Variants in GABRA2 observed in about 807,000 individuals in gnomAD.
GABRA2 encodes the protein gamma-aminobutyric acid type A receptor subunit alpha2, also known as gamma-aminobutyric acid receptor subunit alpha-2.
GABRA2 carries 16 observed loss-of-function variants against 48.7 expected under a neutral mutation model. The ratio of observed to expected loss-of-function variants is 0.33; its 90% confidence interval spans 0.22 to 0.50. The LOEUF (loss-of-function observed/expected upper bound fraction) is 0.50, where lower values mean the gene tolerates loss of function less well. Ranked by LOEUF, GABRA2 falls within the 20% of genes least tolerant of loss-of-function variation. The probability of loss-of-function intolerance (pLI) is 0.98; values close to 1 mark genes in which losing one functional copy is unlikely to be tolerated. For missense variants in GABRA2, 275 were observed against 535.6 expected, an observed-to-expected ratio of 0.51 and a Z score of 4.80; for synonymous variants, 185 against 184.5, an observed-to-expected ratio of 1.00 and a Z score of -0.02.
chr4:46,336,656 A>G (rs766092836), intron 3 of GABRA2, among the ~76,000 whole-genome samples: 2 of 152,234 alleles, frequency 1.3e-5, no homozygotes, highest in Non-Finnish European at 2.9e-5. Context: ...TGGCATACAT[A>G]GAAGAATGTA....
intron 3 of GABRA2, among the ~76,000 whole-genome samples, chr4:46,351,678 C>T (rs1026258154): frequency 2.0e-5 from 3 of 151,918 alleles, no homozygotes; most frequent in African/African-American, 7.2e-5. Context: ...AAAATGATTA[C>T]AGACCATGTC....
chr4:46,290,236 G>A lies in GABRA2; in HGVS notation c.856+13224C>T, dbSNP rs76562061. Among the ~76,000 whole-genome samples, 492 of 151,636 alleles carry A rather than the reference G, an allele frequency of 3.2e-3. 1 individual carries two copies. Among genetic ancestry groups the A allele is most frequent in the African/African-American group, 0.011 (444 of 41,372 alleles). ...ACCAGTTTTGTCTTAAATTTTCAAT[G>A]TTGTTTAGGTTTTTTCAGGCTTCTT... is the stretch of plus-strand genomic sequence containing the variant. On this transcript the variant is annotated intron_variant, in intron 8 of 9. Transcript: ENST00000381620.
At chr4:46,315,682 A>G (rs1360450675) in intron 4 of GABRA2, among the ~76,000 whole-genome samples, 1 of 152,022 alleles carries the variant, frequency 6.6e-6, no homozygotes, top group Non-Finnish European at 1.5e-5. Context: ...CAAATAGCTT[A>G]TAAATCTTCA....
At chr4:46,357,717 G>A (rs1219982772) in intron 3 of GABRA2, among the ~76,000 whole-genome samples, 3 of 144,994 alleles carry the variant, frequency 2.1e-5, no homozygotes. Flanking sequence ...CTGGAGTGCA[G>A]TGGTGCAATC....
rs560142153 is a variant in GABRA2 at position 46,291,776 on chromosome 4, C to CATATATATATATATATATATAT, written c.856+11683_856+11684insATATATATATATATATATATAT. On this transcript the variant is annotated intron_variant, in intron 8 of 9. Transcript: ENST00000381620. ...AGTTAATACTATTAATAAACACACA[C>CATATATATATATATATATATAT]ATATATATATATATACATATACATA... is the stretch of plus-strand genomic sequence containing the variant. 3.7e-4 allele frequency among the ~76,000 whole-genome samples: 54 copies of CATATATATATATATATATATAT among 144,744 alleles called. 1 individual carries two copies. The highest frequency in any genetic ancestry group is 6.6e-4 in the Non-Finnish European group (44 of 66,480). 95.0% of individuals were successfully genotyped at this position (144,744 alleles called of 152,430 possible).
intron 4 of GABRA2, among the ~76,000 whole-genome samples, chr4:46,331,762 C>G (rs1731399491): frequency 6.6e-6 from 1 of 152,116 alleles, no homozygotes; most frequent in African/African-American, 2.4e-5. Flanking sequence ...GAGACAGGGT[C>G]TCACTCTCAT....
chr4:46,304,181 A>G (rs1726230023), intron 7 of GABRA2, among the ~76,000 whole-genome samples: 1 of 152,204 alleles, frequency 6.6e-6, no homozygotes, highest in South Asian at 2.1e-4. Flanking sequence ...TAGGCCCTTC[A>G]TTCCCACTGG....
chr4:46,366,497 G>A (rs1714062685), intron 3 of GABRA2: 1 of 152,048 alleles, frequency 6.6e-6, no homozygotes, highest in Admixed American at 6.6e-5. Context: ...CCTGATTGAT[G>A]AGACTCTGGA....
At chr4:46,287,058 C>G (rs1261980477) in intron 8 of GABRA2, among the ~76,000 whole-genome samples, 1 of 151,514 alleles carries the variant, frequency 6.6e-6, no homozygotes, top group African/African-American at 2.4e-5. Flanking sequence ...TATTTTTTTC[C>G]TAATAGTTTT....
chr4:46,367,661 A>C (rs991285116), intron 3 of GABRA2: 3 of 152,264 alleles, frequency 2.0e-5, no homozygotes, highest in Non-Finnish European at 2.9e-5. Context: ...TTAATATCAT[A>C]TCTTCATAAT....
At chr4:46,372,141 T>C (rs16859348) in intron 3 of GABRA2, among the ~76,000 whole-genome samples, 1,763 of 152,274 alleles carry the variant, frequency 0.012, 25 homozygotes, top group African/African-American at 0.04. Flanking sequence ...ACTTTTCTAT[T>C]AGAGAGTTAG....
In GABRA2 at chr4:46,246,348, C is replaced by T. The variant is rs1234401893; in HGVS notation, c.*3960G>A. On this transcript the variant is annotated 3_prime_UTR_variant, in exon 10 of 10. Transcript: ENST00000381620. ...ATTAAATAATTATGTTAAATATTTA[C>T]TTTAATTTTTAGAGCATGAATTCAG... Among the ~76,000 whole-genome samples, 5 of 150,798 alleles carry T rather than the reference C, an allele frequency of 3.3e-5. No homozygotes were observed. Among genetic ancestry groups the T allele is most frequent in the Admixed American group, 6.6e-5 (1 of 15,052 alleles).
At chr4:46,324,675 G>A (rs977740051) in intron 4 of GABRA2, among the ~76,000 whole-genome samples, 11 of 151,466 alleles carry the variant, frequency 7.3e-5, no homozygotes, top group South Asian at 2.1e-4. Flanking sequence ...TTTGTCACCC[G>A]GGTAGTGAAC....
At position 46,299,074 on chromosome 4, in the gene GABRA2, C is replaced by T. The variant is rs934488493; in HGVS notation, c.856+4386G>A. On this transcript the variant is annotated intron_variant, in intron 8 of 9. Transcript: ENST00000381620. Reference sequence around the variant, plus strand: ...TCAATTTTGACTCATAAAAATATCACCTTTTTGTTCACTGAGCTTCAAATA... The same window carrying T: ...TCAATTTTGACTCATAAAAATATCATCTTTTTGTTCACTGAGCTTCAAATA... 1.7e-4 allele frequency among the ~76,000 whole-genome samples: 25 copies of T among 151,138 alleles called. No homozygotes were observed. The East Asian group carries it at 4.8e-3, about 29-fold the overall frequency.
chr4:46,289,895 A>ATTTT (rs142301474), intron 8 of GABRA2, among the ~76,000 whole-genome samples: 1 of 144,754 alleles, frequency 6.9e-6, no homozygotes, highest in African/African-American at 2.6e-5. Flanking sequence ...TTATTTATTT[A>ATTTT]TTTATTTATT....
chr4:46,331,498 T>C (rs930536903), intron 4 of GABRA2, among the ~76,000 whole-genome samples: 2 of 152,158 alleles, frequency 1.3e-5, no homozygotes, highest in African/African-American at 4.8e-5. Context: ...GTTTTGTTTG[T>C]TTATCCAGGT....
intron 3 of GABRA2, among the ~76,000 whole-genome samples, chr4:46,348,176 G>T (rs1283549402): frequency 2.0e-5 from 3 of 152,062 alleles, no homozygotes; most frequent in African/African-American, 4.8e-5. Context: ...ATGAAAAAAT[G>T]CTCATCATCA....
At position 46,294,708 on chromosome 4, in the gene GABRA2, TGG is replaced by T. The variant is rs527419163; in HGVS notation, c.856+8750_856+8751del. Among the ~76,000 whole-genome samples, 725 of 152,324 alleles carry T rather than the reference TGG, an allele frequency of 4.8e-3. 2 individuals are homozygous for T. The highest frequency in any genetic ancestry group is 0.017 in the African/African-American group (688 of 41,560). On this transcript the variant is annotated intron_variant, in intron 8 of 9. Coordinates refer to ENST00000381620, the MANE Select transcript of GABRA2 (RefSeq NM_000807.4). ...ACCCCAATGGACATCTCTAAGATTT[TGG>T]AGAAAAGCCCCTGCCATCTTCTGCA...
At chr4:46,371,344 CTATTA>C (rs1434080631) in intron 3 of GABRA2, among the ~76,000 whole-genome samples, 1 of 152,088 alleles carries the variant, frequency 6.6e-6, no homozygotes, top group Non-Finnish European at 1.5e-5. Context: ...ATCAAGCGTA[CTATTA>C]TATTTCTGCC....
Sources: allele counts gnomAD v4.1 joint callset (sites outside exome capture counted in the v4.1 genomes callset), GRCh38; gene constraint gnomAD v4.1.1; transcripts MANE v1.5; gene names NCBI Gene and HGNC (gene_info 2026-07-23, HGNC 2026-07-21).